Variants in CDH13 observed in about 807,000 individuals in gnomAD.
CDH13 encodes cadherin 13, also known as cadherin-13.
Under a neutral mutation model 63.8 loss-of-function variants are expected in CDH13, and 24 were observed. That is an observed-to-expected ratio of 0.38 (90% confidence interval 0.27 to 0.53). The LOEUF is 0.53. CDH13 is among the 20% of genes least tolerant of loss of function. The pLI, the probability that CDH13 is intolerant of heterozygous loss-of-function variation, is 0.85. For missense variants in CDH13, 1,049 were observed against 903.1 expected, an observed-to-expected ratio of 1.16 and a Z score of -2.07; for synonymous variants, 503 against 355.3, an observed-to-expected ratio of 1.42 and a Z score of -4.67.
At chr16:83,379,938 T>TATATAGAGAGAGAGAG in intron 6 of CDH13, among the ~76,000 whole-genome samples, 22 of 123,450 alleles carry the variant, frequency 1.8e-4, no homozygotes, top group Admixed American at 3.3e-4. Flanking sequence ...TATATATATA[T>TATATAGAGAGAGAGAG]AGAGAGAGAG....
intron 1 of CDH13, among the ~76,000 whole-genome samples, chr16:82,816,361 A>G (rs2037710188): frequency 6.6e-6 from 1 of 152,006 alleles, no homozygotes; most frequent in Non-Finnish European, 1.5e-5. Flanking sequence ...AAAAATCCCT[A>G]CTCTGAAGGA....
intron 2 of CDH13, among the ~76,000 whole-genome samples, chr16:82,943,385 G>T (rs1904341229): frequency 6.6e-6 from 1 of 152,154 alleles, no homozygotes; most frequent in Non-Finnish European, 1.5e-5. Context: ...CAAAATGACT[G>T]AAATCCCAGT....
intron 1 of CDH13, among the ~76,000 whole-genome samples, chr16:82,790,061 G>T (rs1040167189): frequency 1.3e-5 from 2 of 152,078 alleles, no homozygotes; most frequent in Non-Finnish European, 2.9e-5. Flanking sequence ...CTATAGGGGG[G>T]TGCTGATCAG....
At chr16:82,903,045 T>A (rs1025967222) in intron 2 of CDH13, among the ~76,000 whole-genome samples, 36 of 152,336 alleles carry the variant, frequency 2.4e-4, no homozygotes, top group African/African-American at 7.7e-4. Flanking sequence ...CTTTGAATCC[T>A]TACAACAACT....
At chr16:83,572,894 T>C (rs188904748) in intron 7 of CDH13, among the ~76,000 whole-genome samples, 29 of 152,328 alleles carry the variant, frequency 1.9e-4, no homozygotes, top group African/African-American at 6.7e-4. Flanking sequence ...TTCCTAGTAG[T>C]ATGACCAATG....
chr16:82,810,465 T>A (rs1267487514), intron 1 of CDH13, among the ~76,000 whole-genome samples: 1 of 152,162 alleles, frequency 6.6e-6, no homozygotes, highest in Non-Finnish European at 1.5e-5. Context: ...TTTGAGAGGA[T>A]CTCAAAGTGG....
At chr16:82,681,816 G>A (rs1356196300) in intron 1 of CDH13, among the ~76,000 whole-genome samples, 1 of 152,234 alleles carries the variant, frequency 6.6e-6, no homozygotes, top group Non-Finnish European at 1.5e-5. Flanking sequence ...ACTGACATGC[G>A]TCAATGTGTA....
chr16:83,092,655 C>G (rs1476060118), intron 3 of CDH13, among the ~76,000 whole-genome samples: 1 of 152,176 alleles, frequency 6.6e-6, no homozygotes. Context: ...TGCTATCCCT[C>G]TTATTGGCTG....
intron 1 of CDH13, among the ~76,000 whole-genome samples, chr16:82,659,001 C>T (rs190234415): frequency 2.0e-5 from 3 of 152,164 alleles, no homozygotes; most frequent in Admixed American, 1.3e-4. Flanking sequence ...ACTCTAATCC[C>T]CTCCTGGCCA....
At chr16:83,620,852 T>C (rs1909747208) in intron 8 of CDH13, among the ~76,000 whole-genome samples, 1 of 152,118 alleles carries the variant, frequency 6.6e-6, no homozygotes, top group Non-Finnish European at 1.5e-5. Context: ...AGAACGGCAA[T>C]TGTGTCGTGA....
intron 4 of CDH13, among the ~76,000 whole-genome samples, chr16:83,154,583 G>A (rs893770581): frequency 1.3e-5 from 2 of 149,894 alleles, no homozygotes; most frequent in Non-Finnish European, 1.5e-5. Context: ...AAAAAAAATT[G>A]TATCTTTTAC....
intron 9 of CDH13, among the ~76,000 whole-genome samples, chr16:83,677,168 G>A (rs375864600): frequency 6.6e-6 from 1 of 152,216 alleles, no homozygotes; most frequent in African/African-American, 2.4e-5. Flanking sequence ...GGGAAATGCT[G>A]CACCCACCAC....
At chr16:83,737,836 G>C (rs1911681747) in intron 10 of CDH13, among the ~76,000 whole-genome samples, 1 of 152,232 alleles carries the variant, frequency 6.6e-6, no homozygotes, top group Non-Finnish European at 1.5e-5. Context: ...TTGGGAGGCA[G>C]AGATCCACAT....
chr16:83,082,733 G>C (rs1321102228), intron 3 of CDH13, among the ~76,000 whole-genome samples: 1 of 152,172 alleles, frequency 6.6e-6, no homozygotes, highest in African/African-American at 2.4e-5. Flanking sequence ...TCATTTATAA[G>C]GTTAGGCTGT....
chr16:83,508,307 G>A (rs73605824), intron 7 of CDH13: 1,817 of 154,718 alleles, frequency 0.012, 32 homozygotes, highest in African/African-American at 0.038. Context: ...GTGAGAAGAT[G>A]GGGTAAAAAA....
intron 1 of CDH13, among the ~76,000 whole-genome samples, chr16:82,691,933 A>C (rs890178151): frequency 2.6e-5 from 4 of 152,160 alleles, no homozygotes; most frequent in Non-Finnish European, 5.9e-5. Flanking sequence ...CTGTATTTTC[A>C]CAAGGCATTC....
intron 8 of CDH13, among the ~76,000 whole-genome samples, chr16:83,621,606 CCTCCTGAG>C (rs1220197364): frequency 1.1e-4 from 16 of 149,658 alleles, no homozygotes; most frequent in Admixed American, 4.0e-4. Flanking sequence ...CCTGCCTCAG[CCTCCTGAG>C]TAGCTGGAAT....
intron 5 of CDH13, among the ~76,000 whole-genome samples, chr16:83,296,951 A>G (rs1340037848): frequency 7.2e-5 from 11 of 152,210 alleles, no homozygotes; most frequent in Admixed American, 7.2e-4. Flanking sequence ...ATGCAGAGCC[A>G]TTGGGGACTT....
chr16:82,995,545 G>A (rs1369481952), intron 2 of CDH13, among the ~76,000 whole-genome samples: 1 of 152,168 alleles, frequency 6.6e-6, no homozygotes, highest in African/African-American at 2.4e-5. Flanking sequence ...ATACCATCAA[G>A]CCACCATTCC....
Sources: gnomAD v4.1 joint callset for allele counts (sites outside exome capture counted in the v4.1 genomes callset) on GRCh38, gnomAD v4.1.1 for gene constraint, MANE v1.5 for transcripts, NCBI Gene and HGNC (gene_info 2026-07-23, HGNC 2026-07-21) for gene names.